SUPT3H: variants seen among roughly 807,000 people sequenced by gnomAD.
SUPT3H encodes transcription initiation protein SPT3 homolog.
SUPT3H carries 44 observed loss-of-function variants against 44.3 expected under a neutral mutation model. The ratio of observed to expected loss-of-function variants is 0.99; its 90% CI spans 0.78 to 1.28. SUPT3H has a LOEUF of 1.28. SUPT3H is among the 50% of genes most tolerant of loss of function. The pLI is 0.00. For synonymous variants in SUPT3H, 124 were observed against 125.6 expected (o/e 0.99, Z 0.09); for missense variants, 380 against 387.1 (o/e 0.98, Z 0.15).
intron 6 of SUPT3H, among the ~76,000 whole-genome samples, chr6:44,979,957 AGG>A: frequency 6.6e-6 from 1 of 152,296 alleles, no homozygotes; most frequent in Non-Finnish European, 1.5e-5. Flanking sequence ...TTATCAATCC[AGG>A]GGGCTCATTC....
chr6:45,352,962 G>A (rs1162243032), intron 2 of SUPT3H, among the ~76,000 whole-genome samples: 2 of 152,034 alleles, frequency 1.3e-5, no homozygotes. Context: ...TAGTTTGGCT[G>A]ATTTTTACAT....
At chr6:45,375,898 A>C (rs1796713309) in intron 1 of SUPT3H, among the ~76,000 whole-genome samples, 3 of 152,152 alleles carry the variant, frequency 2.0e-5, no homozygotes, top group South Asian at 2.1e-4. Flanking sequence ...AATTTCACTT[A>C]TCTCTCCAAA....
chr6:44,824,019 C>T (rs565349909), downstream of SUPT3H, among the ~76,000 whole-genome samples: 2 of 152,162 alleles, frequency 1.3e-5, no homozygotes, highest in South Asian at 2.1e-4. Context: ...GAGTTGGCTC[C>T]TCCATGACAT....
At chr6:44,864,350 G>T (rs982106545) in intron 10 of SUPT3H, among the ~76,000 whole-genome samples, 1 of 152,180 alleles carries the variant, frequency 6.6e-6, no homozygotes, top group Non-Finnish European at 1.5e-5. Flanking sequence ...CTACCATTCT[G>T]GAGTCTGGAG....
chr6:44,983,790 T>G (rs1779413518), intron 6 of SUPT3H, among the ~76,000 whole-genome samples: 1 of 152,204 alleles, frequency 6.6e-6, no homozygotes, highest in Admixed American at 6.5e-5. Context: ...AGTGAGGATG[T>G]TTTTTAACTG....
chr6:45,222,174 T>G (rs1174866346), intron 2 of SUPT3H, among the ~76,000 whole-genome samples: 1 of 150,364 alleles, frequency 6.7e-6, no homozygotes, highest in African/African-American at 2.4e-5. Flanking sequence ...AAAAAAAAAG[T>G]AGAAGAAAAT....
chr6:45,024,806 A>C (rs939224483), intron 3 of SUPT3H, among the ~76,000 whole-genome samples: 3 of 152,192 alleles, frequency 2.0e-5, no homozygotes, highest in African/African-American at 4.8e-5. Context: ...GCCCCATCCA[A>C]TCAGTTGAAG....
chr6:44,849,579 G>A (rs924535152), intron 10 of SUPT3H, among the ~76,000 whole-genome samples: 4 of 152,172 alleles, frequency 2.6e-5, no homozygotes, highest in Non-Finnish European at 5.9e-5. Flanking sequence ...TGAGGATCTG[G>A]AGAAAGGGTC....
At chr6:45,281,606 G>C (rs978507627) in intron 2 of SUPT3H, among the ~76,000 whole-genome samples, 1 of 152,178 alleles carries the variant, frequency 6.6e-6, no homozygotes, top group Non-Finnish European at 1.5e-5. Flanking sequence ...GCTCAAACTG[G>C]ATGGAGCCCA....
chr6:45,335,179 A>G (rs1019365045), intron 2 of SUPT3H, among the ~76,000 whole-genome samples: 10 of 151,300 alleles, frequency 6.6e-5, no homozygotes, highest in African/African-American at 2.4e-4. Context: ...GCTAGAATTA[A>G]CTTTCTTTTT....
At chr6:44,845,975 C>T (rs888916030) in intron 10 of SUPT3H, among the ~76,000 whole-genome samples, 24 of 152,314 alleles carry the variant, frequency 1.6e-4, no homozygotes, top group Non-Finnish European at 1.5e-5. Context: ...TGCCTATGGA[C>T]GGCTAAACTA....
At chr6:45,059,699 G>A (rs1385338740) in intron 3 of SUPT3H, among the ~76,000 whole-genome samples, 1 of 152,062 alleles carries the variant, frequency 6.6e-6, no homozygotes, top group Non-Finnish European at 1.5e-5. Context: ...CATCGTCTCA[G>A]TTCAAAAGCT....
chr6:45,323,377 T>C (rs1473769643), intron 2 of SUPT3H, among the ~76,000 whole-genome samples: 1 of 151,940 alleles, frequency 6.6e-6, no homozygotes, highest in Non-Finnish European at 1.5e-5. Context: ...CCCGATTTTT[T>C]TAGATGATGC....
chr6:45,241,234 G>A (rs972950060), intron 2 of SUPT3H, among the ~76,000 whole-genome samples: 1 of 151,932 alleles, frequency 6.6e-6, no homozygotes, highest in African/African-American at 2.4e-5. Context: ...CCATAAGCTG[G>A]CCCCAAAACT....
intron 2 of SUPT3H, among the ~76,000 whole-genome samples, chr6:45,175,997 C>T (rs1811733514): frequency 6.6e-6 from 1 of 152,064 alleles, no homozygotes; most frequent in Non-Finnish European, 1.5e-5. Flanking sequence ...TTTTGTATCT[C>T]CCAAGCAATG....
At chr6:45,253,932 C>T (rs927109894) in intron 2 of SUPT3H, among the ~76,000 whole-genome samples, 3 of 143,254 alleles carry the variant, frequency 2.1e-5, no homozygotes, top group African/African-American at 7.7e-5. Flanking sequence ...AACAAAAATA[C>T]ATACATATAT....
chr6:45,348,856 CTCTT>C (rs1439860482), intron 2 of SUPT3H, among the ~76,000 whole-genome samples: 2 of 152,116 alleles, frequency 1.3e-5, no homozygotes, highest in African/African-American at 2.4e-5. Context: ...TAAATGAACT[CTCTT>C]TGAGAGGCTT....
At chr6:45,350,244 A>G (rs1791742515) in intron 2 of SUPT3H, among the ~76,000 whole-genome samples, 1 of 152,212 alleles carries the variant, frequency 6.6e-6, no homozygotes, top group Non-Finnish European at 1.5e-5. Flanking sequence ...TGCATAGTAC[A>G]CAGTAGGCAC....
intron 2 of SUPT3H, among the ~76,000 whole-genome samples, chr6:45,234,606 T>C (rs547836905): frequency 2.6e-5 from 4 of 151,988 alleles, no homozygotes; most frequent in African/African-American, 9.6e-5. Flanking sequence ...TTCTAAATTA[T>C]TATTGGGCTG....
Sources: gnomAD v4.1 joint callset for allele counts (sites outside exome capture counted in the v4.1 genomes callset) on GRCh38, gnomAD v4.1.1 for gene constraint, MANE v1.5 for transcripts, NCBI Gene and HGNC (gene_info 2026-07-23, HGNC 2026-07-21) for gene names.